The following GGT5 variants were observed in gnomAD, a reference collection of about 807,000 sequenced individuals.
The protein encoded by GGT5 is glutathione hydrolase 5 proenzyme.
Under a neutral mutation model 58.1 loss-of-function variants are expected in GGT5, and 50 were observed. The observed-to-expected ratio is 0.86, with a 90% CI of 0.69 to 1.09. The LOEUF (loss-of-function observed/expected upper bound fraction) is 1.09, where lower values mean the gene tolerates loss of function less well. Ranked by LOEUF, GGT5 falls within the 50% of genes least tolerant of loss-of-function variation. The pLI, the probability that GGT5 is intolerant of heterozygous loss-of-function variation, is 0.00. For synonymous variants in GGT5, 370 were observed against 346.1 expected (o/e 1.07, Z -0.77); for missense variants, 800 against 789.4 (o/e 1.01, Z -0.16).
intron 6 of GGT5, among the ~76,000 whole-genome samples, chr22:24,229,439 G>A (rs1474033608): frequency 6.8e-6 from 1 of 146,364 alleles, no homozygotes; most frequent in East Asian, 2.2e-4. Context: ...TGGACTCTGG[G>A]AACTCAAGGG....
At chr22:24,232,483 G>A (rs545506233) in intron 4 of GGT5, among the ~76,000 whole-genome samples, 1 of 152,276 alleles carries the variant, frequency 6.6e-6, no homozygotes, top group African/African-American at 2.4e-5. Flanking sequence ...GGGAGGGCCT[G>A]TCAGTGGGCT....
At chr22:24,243,533 T>G (rs2048380766) in intron 1 of GGT5, 1 of 152,250 alleles carries the variant, frequency 6.6e-6, no homozygotes, top group Admixed American at 6.5e-5. Context: ...CACTCCTCCC[T>G]TGCTTTAATT....
chr22:24,226,586 A>G, intron 7 of GGT5, 45 bp downstream of exon 7: 1 of 1,604,400 alleles, frequency 6.2e-7, no homozygotes, highest in South Asian at 1.1e-5. Flanking sequence ...GTCCTGAGCC[A>G]GGGAGGAGGA....
intron 6 of GGT5, among the ~76,000 whole-genome samples, chr22:24,227,413 A>C (rs886147923): frequency 6.6e-6 from 1 of 151,874 alleles, no homozygotes; most frequent in African/African-American, 2.4e-5. Context: ...TGCCCGGCTA[A>C]TTTTTGTATT....
intron 1 of GGT5, among the ~76,000 whole-genome samples, chr22:24,238,915 T>TTATATATATAATATATATTATATAATATA (rs2048238705): frequency 6.6e-5 from 1 of 15,056 alleles, no homozygotes; most frequent in Non-Finnish European, 1.0e-4. Context: ...ATTATATATA[T>TTATATATATAATATATATTATATAATATA]TATATATATA....
At chr22:24,238,025 C>T (rs978317476) in intron 1 of GGT5, among the ~76,000 whole-genome samples, 9 of 149,152 alleles carry the variant, frequency 6.0e-5, no homozygotes, top group East Asian at 2.0e-4. Flanking sequence ...GTCAGGAGTT[C>T]GAGACCAGCC....
Position 24,233,905 on chromosome 22 carries a change from C to T in GGT5, c.273G>A (p.Gly91=), listed in dbSNP as rs746215567. 3 of 1,613,718 alleles carry T rather than the reference C, an allele frequency of 1.9e-6. No individual in the cohort carries two copies. Among genetic ancestry groups the T allele is most frequent in the Non-Finnish European group, 2.5e-6 (3 of 1,179,682 alleles). ...VNPQSMGLGG[G]VIFTIYNVTT... ...TCACATTGTAGATGGTGAAGATGAC[C>T]CCTCCGCCCAGGCCCATGCTCTGAG... Residue 91 remains glycine, a synonymous_variant, in exon 2 of 12, where the codon GGG becomes GGA. Transcript: ENST00000327365.
chr22:24,219,832 C>T lies in GGT5; in HGVS notation c.*138G>A, dbSNP rs1374266105. On this transcript the variant is annotated 3_prime_UTR_variant, in exon 12 of 12. Coordinates refer to ENST00000327365, the MANE Select transcript of GGT5 (RefSeq NM_004121.5). ...GCCTCTCATCTGCCCAGCTGGTCCC[C>T]GCCACCTCTTCCACTCTCAGCTGGA... 15 of 795,256 alleles carry T rather than the reference C, an allele frequency of 1.9e-5. No individual in the cohort carries two copies. Among genetic ancestry groups the T allele is most frequent in the Non-Finnish European group, 2.8e-5 (14 of 501,250 alleles). The allele number at this position is 795,256 out of a possible 1,614,324, so 49.3% of individuals were successfully genotyped here.
chr22:24,231,576 G>A (rs1231457031), intron 5 of GGT5, 46 bp from the exon 6 acceptor site: 2 of 1,561,796 alleles, frequency 1.3e-6, no homozygotes, highest in Non-Finnish European at 8.7e-7. Context: ...GGAAACTGAG[G>A]CGGGGAGGAA....
At chr22:24,226,493 C>A (rs191794815) in intron 7 of GGT5, 138 bp downstream of exon 7, 1 of 944,186 alleles carries the variant, frequency 1.1e-6, no homozygotes, top group African/African-American at 1.6e-5. Flanking sequence ...CCCCGGGATC[C>A]CTTTCAGTCC....
Position 24,244,711 on chromosome 22 carries a change from G to A in GGT5, c.15C>T (p.Tyr5=), listed in dbSNP as rs139683761. 357 of 1,610,634 alleles carry A rather than the reference G, an allele frequency of 2.2e-4. 2 individuals carry two copies. Among genetic ancestry groups the A allele is most frequent in the East Asian group, 5.1e-4 (23 of 44,822 alleles). ...GCAGGACTAGGCTGACCGTGGCCCC[G>A]TAGCCCCGGGCCATGGCTCTGCAGC... The part of the protein sequence containing the change: MARG[Y]GATVSLVLLG... The change falls in exon 1 of 12, where the codon TAC becomes TAT. Residue 5 remains tyrosine, a synonymous_variant. Transcript: ENST00000327365.
chr22:24,238,803 AT>A (rs2048192476), intron 1 of GGT5, among the ~76,000 whole-genome samples: 23 of 2,782 alleles, frequency 8.3e-3, no homozygotes, highest in African/African-American at 0.028. Flanking sequence ...ATTTATATAT[AT>A]ATAATATATT....
Position 24,244,577 on chromosome 22 carries a change from G to C in GGT5, c.149C>G (p.Ser50Cys), listed in dbSNP as rs375102513. 3.7e-6 allele frequency: 6 copies of C among 1,612,336 alleles called. No homozygotes were observed. The highest frequency in any genetic ancestry group is 5.1e-6 in the Non-Finnish European group (6 of 1,179,814). Reference sequence around the variant, plus strand: ...CCGTCCAATATCCGAGCAGACCTTGGAGTCGGCGGCAACAGCAGCGTGGGC... The same window carrying C: ...CCGTCCAATATCCGAGCAGACCTTGCAGTCGGCGGCAACAGCAGCGTGGGC... ...AFAHAAVAAD[S>C]KVCSDIGRAI... is the part of the protein sequence containing the mutation. The change falls in exon 1 of 12, where the codon TCC becomes TGC. Residue 50 changes from serine (S) to cysteine (C), a missense_variant. Coordinates refer to ENST00000327365, the MANE Select transcript of GGT5 (RefSeq NM_004121.5).
rs774527296 is a variant in GGT5 at position 24,225,017 on chromosome 22, C to T, written c.1593G>A (p.Glu531=). ...TCACCTGGCTGAAGTTGGGCTCGTA[C>T]TCCACACAGCCCTTGCTGTTGACAT... ...ILHVNSKGCV[E]YEPNFSQEVQ... Residue 531 remains glutamate, a synonymous_variant, in exon 11 of 12, where the codon GAG becomes GAA. Coordinates refer to ENST00000327365, the MANE Select transcript of GGT5 (RefSeq NM_004121.5). 5 of 1,595,502 alleles carry T rather than the reference C, an allele frequency of 3.1e-6. No homozygotes were observed. In the Admixed American group the frequency reaches 5.2e-5, roughly 17 times the overall value.
chr22:24,231,610 A>G, intron 5 of GGT5, 80 bp from the exon 6 acceptor site: 1 of 1,377,874 alleles, frequency 7.3e-7, no homozygotes, highest in South Asian at 1.3e-5. Flanking sequence ...CAGGTCACAC[A>G]ATGGGATTCC....
At chr22:24,233,779 A>G (rs113217435) in intron 2 of GGT5, 95 bp downstream of exon 2, 4 of 1,283,808 alleles carry the variant, frequency 3.1e-6, no homozygotes, top group African/African-American at 1.5e-5. Context: ...GAACACCCAG[A>G]AACGGGCTTG....
chr22:24,244,385 C>G, intron 1 of GGT5, 168 bp downstream of exon 1: 2 of 648,548 alleles, frequency 3.1e-6, no homozygotes, highest in Non-Finnish European at 2.8e-6. Flanking sequence ...CCCACACTCA[C>G]ACTCACATAC....
Position 24,232,143 on chromosome 22 carries a change from G to T in GGT5, c.662C>A (p.Ala221Asp), listed in dbSNP as rs766300969. 3 of 1,599,514 alleles carry T rather than the reference G, an allele frequency of 1.9e-6. No individual in the cohort carries two copies. Among genetic ancestry groups the T allele is most frequent in the South Asian group, 1.1e-5 (1 of 89,412 alleles). The change falls in exon 5 of 12, where the codon GCC becomes GAC. Residue 221 changes from alanine (A) to aspartate (D), a missense_variant. Coordinates refer to ENST00000327365, the MANE Select transcript of GGT5 (RefSeq NM_004121.5). Reference sequence around the variant, plus strand: ...TGTGGCCACGGTCTCCAGGGTGGTGGCCAGTGCAGGCCATGGGAGTGGGTC... The same window carrying T: ...TGTGGCCACGGTCTCCAGGGTGGTGTCCAGTGCAGGCCATGGGAGTGGGTC... Reference protein sequence around the residue: ...PQDPLPWPALATTLETVATEG... With the variant: ...PQDPLPWPALDTTLETVATEG...
intron 1 of GGT5, among the ~76,000 whole-genome samples, chr22:24,236,493 G>T (rs1470826613): frequency 6.6e-6 from 1 of 152,224 alleles, no homozygotes; most frequent in African/African-American, 2.4e-5. Flanking sequence ...GCCGGGCGCG[G>T]TGGCTCATGC....
Sources: gnomAD v4.1 joint callset for allele counts (sites outside exome capture counted in the v4.1 genomes callset) on GRCh38, gnomAD v4.1.1 for gene constraint, MANE v1.5 for transcripts, NCBI Gene and HGNC (gene_info 2026-07-23, HGNC 2026-07-21) for gene names.